Variants in HMGCLL1 observed in about 807,000 individuals in gnomAD.
HMGCLL1 encodes the protein 3-hydroxy-3-methylglutaryl-CoA lyase like 1.
In HMGCLL1, 36 loss-of-function variants were observed where a neutral mutation model predicts 39.1. The ratio of observed to expected loss-of-function variants is 0.92; its 90% confidence interval spans 0.71 to 1.22. The LOEUF is 1.22. Ranked by LOEUF, HMGCLL1 falls within the 50% of genes most tolerant of loss-of-function variation. The pLI, the probability that HMGCLL1 is intolerant of heterozygous loss-of-function variation, is 0.00. For synonymous variants in HMGCLL1, 149 were observed against 144.0 expected (o/e 1.03, Z -0.25); for missense variants, 451 against 416.5 (o/e 1.08, Z -0.72).
chr6:55,584,648 A>T, the HMGCLL1 span, among the ~76,000 whole-genome samples: 8 of 152,078 alleles, frequency 5.3e-5, no homozygotes, highest in Non-Finnish European at 1.0e-4. Context: ...GGTGAGAAGG[A>T]TCTAATTAAA....
intron 7 of HMGCLL1, among the ~76,000 whole-genome samples, chr6:55,470,373 G>C (rs1764993647): frequency 6.6e-6 from 1 of 151,786 alleles, no homozygotes; most frequent in African/African-American, 2.4e-5. Context: ...TCTCTTCACT[G>C]TGTTCTCAAA....
At chr6:55,600,216 A>T in the HMGCLL1 span, among the ~76,000 whole-genome samples, 1 of 152,188 alleles carries the variant, frequency 6.6e-6, no homozygotes, top group South Asian at 2.1e-4. Flanking sequence ...TTTTAAATCC[A>T]TTAAGTGAAG....
intron 4 of HMGCLL1, among the ~76,000 whole-genome samples, chr6:55,515,253 GA>G (rs34439584): frequency 0.36 from 48,759 of 134,554 alleles, 7,987 homozygotes; most frequent in Admixed American, 0.37. Flanking sequence ...CTCCATCTCA[GA>G]AAAAAAAAAA....
chr6:55,532,238 C>T (rs1377405702), intron 3 of HMGCLL1, among the ~76,000 whole-genome samples: 1 of 151,964 alleles, frequency 6.6e-6, no homozygotes, highest in Non-Finnish European at 1.5e-5. Context: ...TAATAATCTT[C>T]GAGTATAATA....
the HMGCLL1 span, among the ~76,000 whole-genome samples, chr6:55,635,628 G>C: frequency 3.3e-5 from 5 of 152,026 alleles, no homozygotes; most frequent in African/African-American, 4.8e-5. Context: ...TTTTGCTTTC[G>C]CTTAAGTTTG....
intron 5 of HMGCLL1, among the ~76,000 whole-genome samples, chr6:55,506,412 G>GT (rs1767165263): frequency 1.3e-5 from 2 of 151,312 alleles, no homozygotes; most frequent in African/African-American, 4.8e-5. Flanking sequence ...TGGAAAAAGT[G>GT]TTAAGAGTCC....
the HMGCLL1 span, among the ~76,000 whole-genome samples, chr6:55,616,914 G>A: frequency 6.6e-6 from 1 of 151,748 alleles, no homozygotes; most frequent in Non-Finnish European, 1.5e-5. Flanking sequence ...AAGATCTATT[G>A]GAAATTTAAA....
chr6:55,610,452 T>G, the HMGCLL1 span, among the ~76,000 whole-genome samples: 6 of 151,938 alleles, frequency 3.9e-5, no homozygotes, highest in Non-Finnish European at 7.4e-5. Flanking sequence ...AAGACTATCT[T>G]GCTGAAATAA....
At chr6:55,589,978 C>T in the HMGCLL1 span, among the ~76,000 whole-genome samples, 1 of 151,734 alleles carries the variant, frequency 6.6e-6, no homozygotes, top group Non-Finnish European at 1.5e-5. Flanking sequence ...CCATACTGCC[C>T]AAGGTAATTT....
At chr6:55,488,267 G>A (rs1766144543) in intron 7 of HMGCLL1, among the ~76,000 whole-genome samples, 1 of 152,018 alleles carries the variant, frequency 6.6e-6, no homozygotes, top group Non-Finnish European at 1.5e-5. Context: ...TTTAGTAGAT[G>A]TAGCCATACA....
chr6:55,650,112 TATATATATATATATATATATATAC>T, the HMGCLL1 span, among the ~76,000 whole-genome samples: 3 of 76,864 alleles, frequency 3.9e-5, no homozygotes, highest in Admixed American at 1.5e-4. Context: ...TATATATATA[TATATATATATATATATATATATAC>T]ACACACACAC....
intron 7 of HMGCLL1, among the ~76,000 whole-genome samples, chr6:55,459,850 T>TATAG (rs1764481245): frequency 6.6e-6 from 1 of 152,042 alleles, no homozygotes; most frequent in African/African-American, 2.4e-5. Context: ...TAGGTAAATA[T>TATAG]ATAGATATAT....
the HMGCLL1 span, among the ~76,000 whole-genome samples, chr6:55,657,004 A>G: frequency 1.3e-4 from 20 of 152,008 alleles, no homozygotes; most frequent in African/African-American, 4.3e-4. Flanking sequence ...AATTAAATAC[A>G]GAAGTGTAGG....
the HMGCLL1 span, among the ~76,000 whole-genome samples, chr6:55,674,943 T>C: frequency 6.6e-6 from 1 of 152,014 alleles, no homozygotes; most frequent in Non-Finnish European, 1.5e-5. Flanking sequence ...TGGAAAGAAA[T>C]GAAGAAATCT....
At chr6:55,615,753 T>C in the HMGCLL1 span, among the ~76,000 whole-genome samples, 1 of 152,164 alleles carries the variant, frequency 6.6e-6, no homozygotes, top group Non-Finnish European at 1.5e-5. Context: ...TAAGGCTTTA[T>C]CTGCTGTCTA....
chr6:55,559,501 G>A (rs1349108230), intron 1 of HMGCLL1, among the ~76,000 whole-genome samples: 2 of 152,144 alleles, frequency 1.3e-5, no homozygotes, highest in Non-Finnish European at 1.5e-5. Flanking sequence ...GGTAGGAAGT[G>A]GATGTTTCCT....
chr6:55,600,298 T>C, the HMGCLL1 span, among the ~76,000 whole-genome samples: 1 of 152,140 alleles, frequency 6.6e-6, no homozygotes, highest in Admixed American at 6.6e-5. Flanking sequence ...GAAGTACTCC[T>C]TTGCTTAAAC....
intron 3 of HMGCLL1, among the ~76,000 whole-genome samples, chr6:55,520,774 T>C (rs142509632): frequency 2.0e-4 from 30 of 152,196 alleles, no homozygotes; most frequent in African/African-American, 7.0e-4. Context: ...GTTGCAGTGA[T>C]TTTTTAAATT....
At chr6:55,516,628 A>ATTT in intron 3 of HMGCLL1, 25 bp from the exon 4 acceptor site, 1 of 1,452,872 alleles carries the variant, frequency 6.9e-7, no homozygotes, top group Non-Finnish European at 9.6e-7. Context: ...AGTTATATGT[A>ATTT]AATGTGTAAC....
Sources: gnomAD v4.1 joint callset for allele counts (sites outside exome capture counted in the v4.1 genomes callset) on GRCh38, gnomAD v4.1.1 for gene constraint, MANE v1.5 for transcripts, NCBI Gene and HGNC (gene_info 2026-07-23, HGNC 2026-07-21) for gene names.